NTM: variants seen among roughly 807,000 people sequenced by gnomAD.
The protein encoded by NTM is IgLON family member 2.
Under a neutral mutation model 42.1 loss-of-function variants are expected in NTM, and 13 were observed. The ratio of observed to expected loss-of-function variants is 0.31; its 90% CI spans 0.20 to 0.49. The LOEUF (loss-of-function observed/expected upper bound fraction) is 0.49. NTM is among the 20% of genes least tolerant of loss of function. The pLI, the probability that NTM is intolerant of heterozygous loss-of-function variation, is 0.99. For synonymous variants in NTM, 187 were observed against 179.2 expected, an observed-to-expected ratio of 1.04 and a Z score of -0.35; for missense variants, 373 against 452.8, an observed-to-expected ratio of 0.82 and a Z score of 1.60.
intron 2 of NTM, among the ~76,000 whole-genome samples, chr11:131,937,787 G>A (rs2059380224): frequency 6.6e-6 from 1 of 152,164 alleles, no homozygotes; most frequent in Non-Finnish European, 1.5e-5. Flanking sequence ...CCCCATGTTA[G>A]AATTATAATA....
At chr11:131,572,703 C>T (rs189079607) in intron 1 of NTM, among the ~76,000 whole-genome samples, 16 of 152,246 alleles carry the variant, frequency 1.1e-4, no homozygotes, top group Non-Finnish European at 2.1e-4. Flanking sequence ...CTTAAAAAGC[C>T]CACGTCACCC....
intron 1 of NTM, chr11:131,534,908 A>T (rs1012234356): frequency 6.6e-6 from 1 of 152,224 alleles, no homozygotes. Flanking sequence ...ATGCAGCACA[A>T]ATCCCTGTAT....
chr11:131,633,768 T>TCC (rs1565355350), intron 1 of NTM, among the ~76,000 whole-genome samples: 26 of 50,208 alleles, frequency 5.2e-4, no homozygotes, highest in South Asian at 3.4e-3. Flanking sequence ...TCTCTCTCCC[T>TCC]CTCTCTCTCT....
rs57602937 is a variant in NTM, at chr11:132,327,814, T to TCTCC, written c.935-2324_935-2321dup. ...TCCTCTCTCCCTTTCTTCCTTCCTGTCTCCCTCCCTCCCTCCCTTCCTTCC... is the reference window on the plus strand; with the variant it reads ...TCCTCTCTCCCTTTCTTCCTTCCTGTCTCCCTCCCTCCCTCCCTCCCTTCCTTCC... On this transcript the variant is annotated intron_variant, in intron 7 of 8. Coordinates refer to ENST00000683400, the MANE Select transcript of NTM (RefSeq NM_001352005.2). Among the ~76,000 whole-genome samples the TCTCC allele has an allele frequency of 3.6e-4, 55 of 151,284 alleles. No individual in the cohort carries two copies. The Middle Eastern group carries it at 0.01, about 28-fold the overall frequency.
rs747108400 is a variant in NTM, at chr11:131,617,642, G to A, written c.82+246754G>A. Reference sequence around the variant, plus strand: ...TCTGGTGGCTTTAATGTGTCCAAGCGTTATGTTGTTCTGAGCTGAAAGATG... The same window carrying A: ...TCTGGTGGCTTTAATGTGTCCAAGCATTATGTTGTTCTGAGCTGAAAGATG... On this transcript the variant is annotated intron_variant, in intron 1 of 8. Transcript: ENST00000683400. 2.3e-4 allele frequency among the ~76,000 whole-genome samples: 35 copies of A among 152,282 alleles called. 1 individual carries two copies. Among genetic ancestry groups the A allele is most frequent in the Middle Eastern group, 6.8e-3 (2 of 294 alleles).
At chr11:131,879,577 C>T (rs1024835494) in intron 1 of NTM, among the ~76,000 whole-genome samples, 1 of 152,114 alleles carries the variant, frequency 6.6e-6, no homozygotes, top group Non-Finnish European at 1.5e-5. Context: ...TAGTCCTGCT[C>T]GTCAGCTTTG....
At chr11:131,774,055 T>C in intron 1 of NTM, 1 of 984,298 alleles carries the variant, frequency 1.0e-6, no homozygotes, top group South Asian at 4.7e-5. Context: ...GACTTTGCCT[T>C]CCTCTGTTGT....
chr11:132,061,318 T>C (rs1219556817), intron 2 of NTM, among the ~76,000 whole-genome samples: 1 of 152,264 alleles, frequency 6.6e-6, no homozygotes, highest in African/African-American at 2.4e-5. Context: ...GTCATCTAAA[T>C]GTCTTTATCA....
intron 3 of NTM, among the ~76,000 whole-genome samples, chr11:132,203,569 C>T (rs1043991629): frequency 2.6e-5 from 4 of 152,106 alleles, no homozygotes; most frequent in South Asian, 2.1e-4. Context: ...ATTCCATGTG[C>T]GTTTGTTATT....
intron 1 of NTM, among the ~76,000 whole-genome samples, chr11:131,453,515 G>A (rs117348032): frequency 1.3e-5 from 2 of 150,530 alleles, no homozygotes; most frequent in African/African-American, 2.5e-5. Context: ...ACTACAAAGC[G>A]ACAAGTACAA....
Position 131,501,304 on chromosome 11 carries a change from G to A in NTM, c.82+130416G>A, listed in dbSNP as rs560262153. Among the ~76,000 whole-genome samples, 9 of 152,296 alleles carry A rather than the reference G, an allele frequency of 5.9e-5. No homozygotes were observed. In the South Asian group the frequency reaches 1.0e-3, roughly 18 times the overall value. ...GCCTGGGGGCTTTGGCAGAGGAGGC[G>A]ATAGCTGTTGGTAGGGTGGCCAATG... On this transcript the variant is annotated intron_variant, in intron 1 of 8. Coordinates refer to ENST00000683400, the MANE Select transcript of NTM (RefSeq NM_001352005.2).
At chr11:131,682,363 C>T (rs1015528799) in intron 1 of NTM, among the ~76,000 whole-genome samples, 1 of 152,194 alleles carries the variant, frequency 6.6e-6, no homozygotes, top group Admixed American at 6.5e-5. Flanking sequence ...TTGCAGGCCA[C>T]AGGGGGTGTT....
chr11:131,600,473 G>A (rs1043034386), intron 1 of NTM, among the ~76,000 whole-genome samples: 1 of 152,154 alleles, frequency 6.6e-6, no homozygotes, highest in African/African-American at 2.4e-5. Flanking sequence ...CCATTTAGCA[G>A]CAATGGGCTT....
intron 1 of NTM, among the ~76,000 whole-genome samples, chr11:131,510,638 T>G (rs927265317): frequency 6.6e-6 from 1 of 152,334 alleles, no homozygotes; most frequent in East Asian, 1.9e-4. Flanking sequence ...GATCATTTGA[T>G]GATTGTTGCT....
At chr11:131,541,930 T>G (rs770593144) in intron 1 of NTM, among the ~76,000 whole-genome samples, 1 of 152,234 alleles carries the variant, frequency 6.6e-6, no homozygotes, top group Non-Finnish European at 1.5e-5. Context: ...ACAGGCTCAA[T>G]GTTAACTAAA....
chr11:132,335,677 CG>C lies in NTM; in HGVS notation c.*532del, dbSNP rs2095867072. The C allele has an allele frequency of 6.6e-6, 1 of 151,844 alleles. No homozygotes were observed. Among genetic ancestry groups the C allele is most frequent in the Non-Finnish European group, 1.5e-5 (1 of 67,956 alleles). The allele number at this position is 151,844 out of a possible 1,614,324, so 9.4% of individuals were successfully genotyped here. ...AAAGAAAAAGGAAACAAAATAAGAC[CG>C]TCTGACAGCAACAACGGTCCCACAA... On this transcript the variant is annotated 3_prime_UTR_variant, in exon 9 of 9. Coordinates refer to ENST00000683400, the MANE Select transcript of NTM (RefSeq NM_001352005.2).
At chr11:131,437,679 C>T (rs1286128968) in intron 1 of NTM, among the ~76,000 whole-genome samples, 3 of 152,116 alleles carry the variant, frequency 2.0e-5, no homozygotes, top group Non-Finnish European at 4.4e-5. Flanking sequence ...CTATGTATGT[C>T]TCTGCATGTG....
At chr11:131,798,517 A>G (rs966117881) in intron 1 of NTM, among the ~76,000 whole-genome samples, 3 of 152,134 alleles carry the variant, frequency 2.0e-5, no homozygotes, top group Non-Finnish European at 4.4e-5. Context: ...CTATCTAACA[A>G]ATATTTACTG....
intron 1 of NTM, among the ~76,000 whole-genome samples, chr11:131,757,262 GA>G (rs2083461810): frequency 6.6e-6 from 1 of 152,212 alleles, no homozygotes; most frequent in Non-Finnish European, 1.5e-5. Context: ...TCTTAGGCCT[GA>G]TGGAGATGTC....
Sources: allele counts gnomAD v4.1 joint callset (sites outside exome capture counted in the v4.1 genomes callset), GRCh38; gene constraint gnomAD v4.1.1; transcripts MANE v1.5; gene names NCBI Gene and HGNC (gene_info 2026-07-23, HGNC 2026-07-21).